Variants in DAB1 observed in about 807,000 individuals in gnomAD.
The protein encoded by DAB1 is DAB adaptor protein 1.
DAB1 carries 15 observed loss-of-function variants against 64.6 expected under a neutral mutation model. The observed-to-expected ratio is 0.23, with a 90% confidence interval of 0.16 to 0.36. DAB1 has a LOEUF of 0.36. Among genes scored for constraint, DAB1 ranks in the 10% least tolerant of loss-of-function variants. The probability of loss-of-function intolerance (pLI) is 1.00; values close to 1 mark genes in which losing one functional copy is unlikely to be tolerated. For missense variants in DAB1, 596 were observed against 706.7 expected (o/e 0.84, Z 1.78); for synonymous variants, 235 against 251.9 (o/e 0.93, Z 0.64).
chr1:57,314,046 A>C (rs1674972214), intron 1 of DAB1, among the ~76,000 whole-genome samples: 1 of 152,206 alleles, frequency 6.6e-6, no homozygotes, highest in Non-Finnish European at 1.5e-5. Context: ...ATTCTATGGC[A>C]TTCTGTTATA....
Position 58,491,787 on chromosome 1 carries a change from G to A in DAB1, n.257+14273C>T, listed in dbSNP as rs181729615. 4.8e-3 allele frequency among the ~76,000 whole-genome samples: 733 copies of A among 152,300 alleles called. 2 individuals carry two copies. In the Middle Eastern group the frequency reaches 0.054, roughly 11 times the overall value. The stretch of plus-strand genomic sequence containing the variant: ...AAGCAAGTCCTTAGAGACCTACAAA[G>A]TGACTTAGACTCCCACACAATAATA... On this transcript the variant is annotated intron_variant and non_coding_transcript_variant, in intron 3 of 20. Coordinates refer to the DAB1 transcript ENST00000485760.
At chr1:58,094,215 G>A (rs1165397193) in intron 5 of DAB1, among the ~76,000 whole-genome samples, 6 of 152,184 alleles carry the variant, frequency 3.9e-5, no homozygotes, top group Admixed American at 3.9e-4. Flanking sequence ...CCTTCCTGCT[G>A]TGATTAATCT....
chr1:58,389,576 A>G (rs1453478469), intron 3 of DAB1, among the ~76,000 whole-genome samples: 2 of 152,276 alleles, frequency 1.3e-5, no homozygotes, highest in South Asian at 2.1e-4. Context: ...TTACACTTAC[A>G]TCACCTAGGA....
chr1:57,132,881 C>G (rs561365127), intron 4 of DAB1, among the ~76,000 whole-genome samples: 2 of 152,104 alleles, frequency 1.3e-5, no homozygotes, highest in South Asian at 4.2e-4. Flanking sequence ...AGGGAATCTG[C>G]TCTAATATAG....
At chr1:57,303,910 G>A (rs1035251116) in intron 1 of DAB1, among the ~76,000 whole-genome samples, 6 of 152,086 alleles carry the variant, frequency 3.9e-5, no homozygotes, top group South Asian at 2.1e-4. Flanking sequence ...TTACTGCTAC[G>A]CATGGCTTTA....
chr1:58,331,655 TAGCA>T (rs1225625547), intron 4 of DAB1, among the ~76,000 whole-genome samples: 1 of 152,192 alleles, frequency 6.6e-6, no homozygotes, highest in East Asian at 1.9e-4. Context: ...GACCCTCCAC[TAGCA>T]AAAAGATTAG....
chr1:58,248,329 CAGAAAA>C (rs908011597), intron 4 of DAB1, among the ~76,000 whole-genome samples: 2 of 152,052 alleles, frequency 1.3e-5, no homozygotes, highest in Non-Finnish European at 2.9e-5. Flanking sequence ...CCGCTCAGCT[CAGAAAA>C]AGAAAAAGCC....
chr1:57,208,117 A>G (rs1005664261), intron 2 of DAB1, among the ~76,000 whole-genome samples: 33 of 152,336 alleles, frequency 2.2e-4, no homozygotes, highest in African/African-American at 7.9e-4. Context: ...GAGAAAGTAG[A>G]CCATAAAAGG....
At chr1:58,185,924 G>A (rs1657053348) in intron 4 of DAB1, among the ~76,000 whole-genome samples, 1 of 152,168 alleles carries the variant, frequency 6.6e-6, no homozygotes, top group African/African-American at 2.4e-5. Context: ...AGTTTGTGTG[G>A]TGGATACTGT....
chr1:58,004,394 G>A (rs1646550704), intron 5 of DAB1, among the ~76,000 whole-genome samples: 1 of 152,168 alleles, frequency 6.6e-6, no homozygotes, highest in Non-Finnish European at 1.5e-5. Flanking sequence ...GCCATTTGAA[G>A]CACTTAGTTT....
At chr1:57,294,647 C>G (rs548806054) in intron 1 of DAB1, among the ~76,000 whole-genome samples, 2 of 152,174 alleles carry the variant, frequency 1.3e-5, no homozygotes, top group South Asian at 2.1e-4. Flanking sequence ...ATGAGCTTTT[C>G]TGGCATTATT....
At chr1:57,518,660 C>G (rs1474654853) in intron 7 of DAB1, among the ~76,000 whole-genome samples, 1 of 152,158 alleles carries the variant, frequency 6.6e-6, no homozygotes, top group Admixed American at 6.5e-5. Context: ...TCTCGTGTGT[C>G]CTGCTTTGGC....
intron 5 of DAB1, among the ~76,000 whole-genome samples, chr1:57,938,904 C>T (rs1645064311): frequency 6.6e-6 from 1 of 151,998 alleles, no homozygotes; most frequent in African/African-American, 2.4e-5. Context: ...CTTCTGCTTG[C>T]TCAATGCTGA....
chr1:57,538,922 T>C (rs985390101), intron 7 of DAB1, among the ~76,000 whole-genome samples: 2 of 152,166 alleles, frequency 1.3e-5, no homozygotes, highest in Non-Finnish European at 2.9e-5. Flanking sequence ...AGGCAATGAG[T>C]TGCATGCTTG....
chr1:57,898,680 C>T (rs1045451387), intron 5 of DAB1, among the ~76,000 whole-genome samples: 1 of 152,132 alleles, frequency 6.6e-6, no homozygotes, highest in African/African-American at 2.4e-5. Flanking sequence ...GCTTATGATC[C>T]CTGTTGAGTT....
chr1:57,242,121 A>G (rs1056874140), intron 2 of DAB1, among the ~76,000 whole-genome samples: 2 of 152,188 alleles, frequency 1.3e-5, no homozygotes, highest in Non-Finnish European at 2.9e-5. Context: ...TCACAAGTAA[A>G]TGGTTATAGG....
intron 1 of DAB1, chr1:58,536,502 T>TTAC (rs1416917600): frequency 5.8e-6 from 5 of 864,796 alleles, no homozygotes; most frequent in Non-Finnish European, 1.0e-5. Context: ...AAAACAACTC[T>TTAC]TACTACTTAC....
intron 2 of DAB1, among the ~76,000 whole-genome samples, chr1:57,197,077 T>C (rs1465097857): frequency 6.6e-6 from 1 of 152,196 alleles, no homozygotes; most frequent in Non-Finnish European, 1.5e-5. Context: ...GGCTAACGCC[T>C]GTAATCCCAA....
intron 3 of DAB1, among the ~76,000 whole-genome samples, chr1:58,439,497 T>C (rs12128925): frequency 0.14 from 21,042 of 152,180 alleles, 1,782 homozygotes; most frequent in East Asian, 0.31. Context: ...ACAGAGATTG[T>C]CTTAGTCCAC....
Sources: gnomAD v4.1 joint callset for allele counts (sites outside exome capture counted in the v4.1 genomes callset) on GRCh38, gnomAD v4.1.1 for gene constraint, MANE v1.5 for transcripts, NCBI Gene and HGNC (gene_info 2026-07-23, HGNC 2026-07-21) for gene names.